The following ALK variants were observed in gnomAD, a reference collection of about 807,000 sequenced individuals.
The protein encoded by ALK is ALK tyrosine kinase receptor.
In ALK, 74 loss-of-function variants were observed where a neutral mutation model predicts 163.1. The observed-to-expected ratio is 0.45, with a 90% CI of 0.38 to 0.55. The LOEUF is 0.55. ALK is among the 20% of genes least tolerant of loss of function. The probability of loss-of-function intolerance (pLI) is 0.00; values close to 1 mark genes in which losing one functional copy is unlikely to be tolerated. For missense variants in ALK, 2,063 were observed against 2,105.3 expected (o/e 0.98, Z 0.39); for synonymous variants, 960 against 843.2 (o/e 1.14, Z -2.40).
intron 8 of ALK, among the ~76,000 whole-genome samples, chr2:29,302,819 A>G (rs1434125793): frequency 1.3e-5 from 2 of 152,224 alleles, no homozygotes; most frequent in Non-Finnish European, 2.9e-5. Context: ...CTGGCTAGCC[A>G]TAGGCAGAAG....
At chr2:29,479,244 T>C (rs1419773308) in intron 4 of ALK, among the ~76,000 whole-genome samples, 1 of 152,178 alleles carries the variant, frequency 6.6e-6, no homozygotes. Flanking sequence ...GGAAAGACCC[T>C]ATCCTGAGCT....
At chr2:29,907,212 A>G (rs1251546698) in intron 1 of ALK, 2 of 152,118 alleles carry the variant, frequency 1.3e-5, no homozygotes, top group East Asian at 1.9e-4. Context: ...TGGTTTTGCT[A>G]TACAATTATC....
chr2:29,710,031 C>T (rs1428047715), intron 2 of ALK, among the ~76,000 whole-genome samples: 2 of 152,142 alleles, frequency 1.3e-5, no homozygotes. Context: ...ATGGGAGGGA[C>T]CCTGTGCAAG....
In ALK at chr2:29,550,697, T is replaced by G. The variant is rs910574612; in HGVS notation, c.953-18581A>C. Among the ~76,000 whole-genome samples, 9 of 152,212 alleles carry G rather than the reference T, an allele frequency of 5.9e-5. No individual in the cohort carries two copies. In the South Asian group the frequency reaches 6.2e-4, roughly 11 times the overall value. ...AGCTTTCAAATATAGGGACAAATAA[T>G]ACTTTCCCAGGAAAATTATTTTTCC... is the stretch of plus-strand genomic sequence containing the variant. On this transcript the variant is annotated intron_variant, in intron 3 of 28. Coordinates refer to ENST00000389048, the MANE Select transcript of ALK (RefSeq NM_004304.5).
intron 3 of ALK, among the ~76,000 whole-genome samples, chr2:29,603,317 C>A (rs531714095): frequency 6.6e-6 from 1 of 152,178 alleles, no homozygotes; most frequent in Non-Finnish European, 1.5e-5. Flanking sequence ...ATTTCCCCCA[C>A]AAGAGACAGC....
chr2:29,718,689 TG>T (rs1679335090), intron 1 of ALK, among the ~76,000 whole-genome samples: 1 of 152,188 alleles, frequency 6.6e-6, no homozygotes, highest in African/African-American at 2.4e-5. Context: ...TGATCATCTC[TG>T]TTTTACAGAT....
intron 8 of ALK, among the ~76,000 whole-genome samples, chr2:29,312,415 G>A (rs978890459): frequency 6.6e-6 from 1 of 152,070 alleles, no homozygotes; most frequent in African/African-American, 2.4e-5. Context: ...TTCCTCCAAG[G>A]GCTAAGGGAC....
intron 3 of ALK, among the ~76,000 whole-genome samples, chr2:29,637,493 G>C (rs1676569999): frequency 6.6e-6 from 1 of 152,132 alleles, no homozygotes; most frequent in African/African-American, 2.4e-5. Context: ...TGGATCATTT[G>C]AGGTTGGGAG....
intron 1 of ALK, among the ~76,000 whole-genome samples, chr2:29,807,511 G>A (rs998330316): frequency 5.9e-5 from 9 of 152,212 alleles, no homozygotes; most frequent in Non-Finnish European, 7.3e-5. Flanking sequence ...TTGTTCCTTG[G>A]CCTGCCTCCA....
At chr2:29,555,221 C>T (rs1673819941) in intron 3 of ALK, among the ~76,000 whole-genome samples, 2 of 152,066 alleles carry the variant, frequency 1.3e-5, no homozygotes, top group South Asian at 4.2e-4. Context: ...TAACACTACC[C>T]CCTCAGATGG....
Position 29,822,343 on chromosome 2 carries a change from A to G in ALK, c.667+97650T>C, listed in dbSNP as rs923981970. Among the ~76,000 whole-genome samples the G allele has an allele frequency of 2.9e-4, 44 of 152,240 alleles. 1 individual carries two copies. Among genetic ancestry groups the G allele is most frequent in the African/African-American group, 1.0e-3 (42 of 41,462 alleles). ...GCCTAGAGAACTAAAGTCCCAGGGT[A>G]CTTAGGCAGAGGGGAGACAAAGGCA... is the stretch of plus-strand genomic sequence containing the variant. On this transcript the variant is annotated intron_variant, in intron 1 of 28. Transcript: ENST00000389048.
chr2:29,308,834 A>G (rs1666616542), intron 8 of ALK, among the ~76,000 whole-genome samples: 1 of 152,108 alleles, frequency 6.6e-6, no homozygotes, highest in Non-Finnish European at 1.5e-5. Flanking sequence ...ACTTTGTTAG[A>G]GATAAACAGT....
chr2:29,396,748 C>A (rs1252749590), intron 4 of ALK, among the ~76,000 whole-genome samples: 4 of 151,804 alleles, frequency 2.6e-5, no homozygotes, highest in Non-Finnish European at 5.9e-5. Context: ...CGGGACCTGC[C>A]TCTGGCTCCC....
chr2:29,485,120 C>T (rs4665461), intron 4 of ALK, among the ~76,000 whole-genome samples: 71,862 of 151,956 alleles, frequency 0.47, 17,295 homozygotes, highest in East Asian at 0.7. Context: ...AAGTATTGAT[C>T]CTCCTCCATC....
At chr2:29,271,059 G>A (rs2148212231) in intron 11 of ALK, among the ~76,000 whole-genome samples, 1 of 152,302 alleles carries the variant, frequency 6.6e-6, no homozygotes, top group East Asian at 1.9e-4. Context: ...GAAGGGAAGA[G>A]GCCTCCTCTA....
At chr2:29,909,525 C>T (rs1667644602) in intron 1 of ALK, among the ~76,000 whole-genome samples, 2 of 121,760 alleles carry the variant, frequency 1.6e-5, no homozygotes, top group African/African-American at 5.6e-5. Flanking sequence ...AGAGAATGCT[C>T]CACAAAACTG....
intron 24 of ALK, among the ~76,000 whole-genome samples, chr2:29,210,510 G>T (rs747976938): frequency 6.6e-5 from 10 of 152,106 alleles, no homozygotes; most frequent in Non-Finnish European, 1.2e-4. Context: ...TTGGCTCACT[G>T]CAACCTCTGC....
intron 4 of ALK, among the ~76,000 whole-genome samples, chr2:29,406,089 G>A (rs1039961128): frequency 3.9e-5 from 6 of 152,194 alleles, no homozygotes; most frequent in Non-Finnish European, 8.8e-5. Flanking sequence ...TGTATTATAA[G>A]CAAAGCATTT....
chr2:29,687,925 T>C (rs1414997021), intron 3 of ALK, among the ~76,000 whole-genome samples: 1 of 152,208 alleles, frequency 6.6e-6, no homozygotes, highest in Non-Finnish European at 1.5e-5. Flanking sequence ...TTTTTCACCA[T>C]CATAAACAGC....
Sources: allele counts gnomAD v4.1 joint callset (sites outside exome capture counted in the v4.1 genomes callset), GRCh38; gene constraint gnomAD v4.1.1; transcripts MANE v1.5; gene names NCBI Gene and HGNC (gene_info 2026-07-23, HGNC 2026-07-21).